The following TBL1X variants were observed in gnomAD, a reference collection of about 807,000 sequenced individuals.
TBL1X encodes the protein F-box-like/WD repeat-containing protein TBL1X.
In TBL1X, 10 loss-of-function variants were observed where a neutral mutation model predicts 50.7. The ratio of observed to expected loss-of-function variants is 0.20; its 90% CI spans 0.12 to 0.33. The LOEUF (loss-of-function observed/expected upper bound fraction) is 0.33, where lower values mean the gene tolerates loss of function less well. Ranked by LOEUF, TBL1X falls within the 10% of genes least tolerant of loss-of-function variation. The pLI is 1.00. For missense variants in TBL1X, 340 were observed against 504.4 expected, an observed-to-expected ratio of 0.67 and a Z score of 3.12; for synonymous variants, 190 against 214.7, an observed-to-expected ratio of 0.88 and a Z score of 1.01.
chrX:9,561,141 C>A (rs5979119), intron 2 of TBL1X, among the ~76,000 whole-genome samples: 1 of 111,195 alleles, frequency 9.0e-6, no homozygotes. Context: ...ACACTCAAAC[C>A]GCACCCCACC....
chrX:9,583,359 AT>A (rs1450111338), intron 2 of TBL1X, among the ~76,000 whole-genome samples: 1 of 112,173 alleles, frequency 8.9e-6, no homozygotes, highest in East Asian at 2.8e-4. Context: ...TTTTTCCCAA[AT>A]GAGGTCACAT....
chrX:9,633,052 T>C (rs1050475532), intron 2 of TBL1X, among the ~76,000 whole-genome samples: 3 of 112,497 alleles, frequency 2.7e-5, no homozygotes, highest in Non-Finnish European at 5.6e-5. Flanking sequence ...TCTGTAGACA[T>C]GGGACAAGCA....
chrX:9,716,443 G>A lies in TBL1X; in HGVS notation c.*197G>A. On this transcript the variant is annotated 3_prime_UTR_variant, in exon 18 of 18. Coordinates refer to ENST00000645353, the MANE Select transcript of TBL1X (RefSeq NM_005647.4). ...AGTTTTTAAAAGGCAAGCAAAAACAGAAGCAAATCATATCAAACGGGGATA... is the reference window on the plus strand; with the variant it reads ...AGTTTTTAAAAGGCAAGCAAAAACAAAAGCAAATCATATCAAACGGGGATA... 1 of 413,457 alleles carries A rather than the reference G, an allele frequency of 2.4e-6. No homozygotes were observed. Among genetic ancestry groups the A allele is most frequent in the South Asian group, 3.9e-5 (1 of 25,778 alleles). The allele number at this position is 413,457 out of a possible 1,213,427, so 34.1% of individuals were successfully genotyped here. A position where few individuals can be genotyped will look rare whatever the true frequency, so the allele number is the denominator to read the frequency against.
At chrX:9,524,819 G>A (rs1259682772) in intron 2 of TBL1X, among the ~76,000 whole-genome samples, 3 of 111,986 alleles carry the variant, frequency 2.7e-5, no homozygotes, top group African/African-American at 6.5e-5. Context: ...TGGCACGATC[G>A]TGACTCAGTG....
At chrX:9,664,340 G>A (rs973047288) in intron 5 of TBL1X, among the ~76,000 whole-genome samples, 1 of 112,295 alleles carries the variant, frequency 8.9e-6, no homozygotes, top group Non-Finnish European at 1.9e-5. Context: ...ATTATATTTC[G>A]CAGGTCATTA....
chrX:9,600,555 G>T (rs5978331), intron 2 of TBL1X, among the ~76,000 whole-genome samples: 2,660 of 108,151 alleles, frequency 0.025, 87 homozygotes, highest in African/African-American at 0.086. Context: ...TTGTTCCTTT[G>T]TAACACAGAA....
intron 1 of TBL1X, among the ~76,000 whole-genome samples, chrX:9,482,975 C>T (rs1186882777): frequency 9.0e-6 from 1 of 111,145 alleles, no homozygotes; most frequent in Non-Finnish European, 1.9e-5. Context: ...CTTTATGCAG[C>T]CGGCAGGAAG....
At chrX:9,579,087 G>A (rs967684642) in intron 2 of TBL1X, among the ~76,000 whole-genome samples, 6 of 111,856 alleles carry the variant, frequency 5.4e-5, no homozygotes, top group Non-Finnish European at 7.5e-5. Context: ...ATCTGTGAAT[G>A]TGTGAAGTAC....
intron 11 of TBL1X, among the ~76,000 whole-genome samples, chrX:9,694,761 G>A (rs2083120957): frequency 9.1e-6 from 1 of 110,375 alleles, no homozygotes; most frequent in South Asian, 3.8e-4. Context: ...ATCACCTGAG[G>A]TCGGGAGTTC....
chrX:9,553,108 A>T (rs1346240316), intron 2 of TBL1X, among the ~76,000 whole-genome samples: 1 of 111,058 alleles, frequency 9.0e-6, no homozygotes, highest in Non-Finnish European at 1.9e-5. Flanking sequence ...GCGCCACTGC[A>T]CTCCAGCCTG....
intron 2 of TBL1X, among the ~76,000 whole-genome samples, chrX:9,537,369 C>T (rs1223638879): frequency 9.2e-6 from 1 of 109,245 alleles, no homozygotes; most frequent in Non-Finnish European, 1.9e-5. Context: ...TTTCTAAGTA[C>T]ACTGTTCAAC....
intron 5 of TBL1X, among the ~76,000 whole-genome samples, chrX:9,658,577 T>C (rs1344900542): frequency 9.0e-6 from 1 of 111,416 alleles, no homozygotes; most frequent in Non-Finnish European, 1.9e-5. Flanking sequence ...TGTAAACATA[T>C]TATTTCCTCT....
chrX:9,500,788 G>A (rs747529341), intron 1 of TBL1X, among the ~76,000 whole-genome samples: 10 of 111,945 alleles, frequency 8.9e-5, no homozygotes, highest in Non-Finnish European at 1.3e-4. Context: ...AACGTCTGCC[G>A]GGGAAGGTGG....
chrX:9,521,028 T>G (rs2082104327), intron 2 of TBL1X, among the ~76,000 whole-genome samples: 1 of 109,761 alleles, frequency 9.1e-6, no homozygotes. Flanking sequence ...ACCCCAGGAG[T>G]TGGAGGATGC....
At chrX:9,691,524 AG>A in intron 7 of TBL1X, 54 bp from the exon 8 acceptor site, 1 of 1,176,248 alleles carries the variant, frequency 8.5e-7, no homozygotes, top group Non-Finnish European at 1.1e-6. Context: ...GAGCCCTTTA[AG>A]TGTGTTTCTC....
At chrX:9,537,011 A>G (rs754986091) in intron 2 of TBL1X, among the ~76,000 whole-genome samples, 1 of 111,915 alleles carries the variant, frequency 8.9e-6, no homozygotes, top group East Asian at 2.8e-4. Flanking sequence ...TCTTGAAGCA[A>G]TTACTGTAAG....
intron 12 of TBL1X, among the ~76,000 whole-genome samples, 160 bp from the exon 13 acceptor site, chrX:9,704,833 C>T (rs954330578): frequency 3.6e-5 from 4 of 112,009 alleles, no homozygotes; most frequent in Non-Finnish European, 1.9e-5. Flanking sequence ...GAGCCATGAT[C>T]GCACCACTAC....
chrX:9,518,781 G>A (rs1360416752), intron 2 of TBL1X, among the ~76,000 whole-genome samples: 2 of 110,928 alleles, frequency 1.8e-5, no homozygotes, highest in Non-Finnish European at 3.8e-5. Context: ...GGGAATTGGT[G>A]TTAGCTTCGG....
At chrX:9,505,311 A>G (rs2082020493) in intron 2 of TBL1X, among the ~76,000 whole-genome samples, 1 of 112,220 alleles carries the variant, frequency 8.9e-6, no homozygotes, top group Admixed American at 9.5e-5. Flanking sequence ...TAAATATGGT[A>G]AGGAAAAACT....
Sources: gnomAD v4.1 joint callset for allele counts (sites outside exome capture counted in the v4.1 genomes callset) on GRCh38, gnomAD v4.1.1 for gene constraint, MANE v1.5 for transcripts, NCBI Gene and HGNC (gene_info 2026-07-23, HGNC 2026-07-21) for gene names.